Variants in DMP1 observed in about 807,000 individuals in gnomAD.
DMP1 encodes dentin matrix protein 1.
Under a neutral mutation model 14.6 loss-of-function variants are expected in DMP1, and 20 were observed. The observed-to-expected ratio is 1.37, with a 90% CI of 0.96 to 1.99. The LOEUF (loss-of-function observed/expected upper bound fraction) is 1.99, where lower values mean the gene tolerates loss of function less well. Among genes scored for constraint, DMP1 ranks in the 30% most tolerant of loss-of-function variants. The pLI, the probability that DMP1 is intolerant of heterozygous loss-of-function variation, is 0.00. For missense variants in DMP1, 567 were observed against 620.5 expected (o/e 0.91, Z 0.92); for synonymous variants, 197 against 215.3 (o/e 0.91, Z 0.75).
At position 87,662,901 on chromosome 4, in the gene DMP1, G is replaced by T; in HGVS notation, c.1123G>T (p.Val375Leu). 6.2e-7 allele frequency: 1 copy of T among 1,614,202 alleles called. No individual in the cohort carries two copies. The highest frequency in any genetic ancestry group is 8.5e-7 in the Non-Finnish European group (1 of 1,180,040). ...GDNPDPTTSY[V>L]EDQEDSDSSE... is the part of the protein sequence containing the mutation. The stretch of plus-strand genomic sequence containing the variant: ...TAACCCCGACCCCACAACTAGTTAT[G>T]TAGAAGACCAGGAAGACAGTGACTC... Residue 375 changes from valine (V) to leucine (L), a missense_variant, in exon 6 of 6, where the codon GTA becomes TTA. Physicochemically the swap from Val to Leu is conservative, Grantham distance 32. Transcript: ENST00000339673.
Position 87,662,361 on chromosome 4 carries a change from G to A in DMP1, c.583G>A (p.Gly195Arg), listed in dbSNP as rs2110016653. The change falls in exon 6 of 6, where the codon GGA becomes AGA. Residue 195 changes from glycine (G) to arginine (R), a missense_variant. Coordinates refer to ENST00000339673, the MANE Select transcript of DMP1 (RefSeq NM_004407.4). ...GAGTGAGAGTGAAGAGCACTGGGTG[G>A]GAGGTGGCAGTGATGGGGAGAGCAG... is the stretch of plus-strand genomic sequence containing the variant. ...QESESEEHWV[G>R]GGSDGESSHG... The A allele has an allele frequency of 6.2e-7, 1 of 1,614,154 alleles. No homozygotes were observed. Among genetic ancestry groups the A allele is most frequent in the Admixed American group, 1.7e-5 (1 of 60,020 alleles).
chr4:87,663,178 A>G lies in DMP1; in HGVS notation c.1400A>G (p.Asn467Ser), dbSNP rs745804608. Residue 467 changes from asparagine to serine, a missense_variant, in exon 6 of 6, where the codon AAC becomes AGC. Physicochemically the swap from Asn to Ser is conservative, Grantham distance 46 (BLOSUM62 1). Coordinates refer to ENST00000339673, the MANE Select transcript of DMP1 (RefSeq NM_004407.4). ...AGCAGCAGATCCAAAGAAGATAGCA[A>G]CTCCACGGAGAGCAAATCAAGCAGT... ...QDSSRSKEDS[N>S]STESKSSSEE... 7 of 1,614,140 alleles carry G rather than the reference A, an allele frequency of 4.3e-6. No individual in the cohort carries two copies. Among genetic ancestry groups the G allele is most frequent in the Admixed American group, 3.3e-5 (2 of 60,022 alleles).
rs539902724 is a variant in DMP1 at position 87,659,604 on chromosome 4, G to A, written c.183+126G>A. On this transcript the variant is annotated intron_variant, in intron 5 of 5. Transcript: ENST00000339673. ...CTAACTATGAGTTATGCTGGCTAAA[G>A]AGTCCTATAAAGTAAGAAGAGAAAA... The A allele has an allele frequency of 1.1e-4, 105 of 953,362 alleles. 1 individual carries two copies. The South Asian group carries it at 1.4e-3, about 12-fold the overall frequency. 59.1% of individuals were successfully genotyped at this position (953,362 alleles called of 1,614,324 possible). A position where few individuals can be genotyped will look rare whatever the true frequency, so the allele number is the denominator to read the frequency against.
At chr4:87,660,901 C>T (rs1048468179) in intron 5 of DMP1, 3 of 152,050 alleles carry the variant, frequency 2.0e-5, no homozygotes, top group Non-Finnish European at 2.9e-5. Flanking sequence ...ACATTTTTCC[C>T]TCCAGAAGAA....
Position 87,662,251 on chromosome 4 carries a change from C to G in DMP1, c.473C>G (p.Ala158Gly), listed in dbSNP as rs757308068. The change falls in exon 6 of 6, where the codon GCC (alanine) becomes GGC (glycine). Residue 158 changes from alanine to glycine, a missense_variant. Ala to Gly is a moderately conservative substitution (Grantham distance 60, BLOSUM62 0). Transcript: ENST00000339673. ...AGTGCCCCACAAGGGCAAGACAGTG[C>G]CCAAGATACCACCAGTGAGAGCAGG... is the stretch of plus-strand genomic sequence containing the variant. Reference protein sequence around the residue: ...EESAPQGQDSAQDTTSESREL... With the variant: ...EESAPQGQDSGQDTTSESREL... 20 of 1,614,116 alleles carry G rather than the reference C, an allele frequency of 1.2e-5. No individual in the cohort carries two copies. The South Asian group carries it at 2.2e-4, about 18-fold the overall frequency.
chr4:87,650,548 A>G (rs1255459320), intron 1 of DMP1, among the ~76,000 whole-genome samples, 164 bp downstream of exon 1: 1 of 152,198 alleles, frequency 6.6e-6, no homozygotes, highest in Non-Finnish European at 1.5e-5. Flanking sequence ...TGTTTATGCC[A>G]CAGTAAATAA....
In DMP1 at chr4:87,656,328, G is replaced by GT. The variant is rs1433226379; in HGVS notation, c.-21-140dup. On this transcript the variant is annotated intron_variant, in intron 1 of 5. Transcript: ENST00000339673. Reference sequence around the variant, plus strand: ...CCTCTTTATGGTTGAATAATATTCTGTTTTATAGATACAGTAAATTTTATT... The same window carrying GT: ...CCTCTTTATGGTTGAATAATATTCTGTTTTTATAGATACAGTAAATTTTATT... 14 of 652,714 alleles carry GT rather than the reference G, an allele frequency of 2.1e-5. No individual in the cohort carries two copies. In the Admixed American group the frequency reaches 3.1e-4, roughly 15 times the overall value. The allele number at this position is 652,714 out of a possible 1,614,324, so 40.4% of individuals were successfully genotyped here. A position where few individuals can be genotyped will look rare whatever the true frequency, so the allele number is the denominator to read the frequency against.
intron 1 of DMP1, among the ~76,000 whole-genome samples, chr4:87,655,696 G>A (rs2110011719): frequency 6.6e-6 from 1 of 152,212 alleles, no homozygotes; most frequent in Admixed American, 6.5e-5. Flanking sequence ...ATGTGTATGT[G>A]TGTGTTTGTG....
At chr4:87,653,452 G>T (rs1034637829) in intron 1 of DMP1, among the ~76,000 whole-genome samples, 1 of 120,230 alleles carries the variant, frequency 8.3e-6, no homozygotes, top group Non-Finnish European at 1.8e-5. Flanking sequence ...TTGAGATAGG[G>T]TCTTGCTCTG....
At chr4:87,661,581 G>C (rs916821366) in intron 5 of DMP1, among the ~76,000 whole-genome samples, 25 of 150,382 alleles carry the variant, frequency 1.7e-4, no homozygotes, top group African/African-American at 6.1e-4. Context: ...AGATGGTCTC[G>C]ATCTCTTGAC....
At chr4:87,657,612 C>T (rs1728736843) in intron 3 of DMP1, among the ~76,000 whole-genome samples, 1 of 152,166 alleles carries the variant, frequency 6.6e-6, no homozygotes, top group Non-Finnish European at 1.5e-5. Context: ...GTTTTATTCT[C>T]ACTTTACAGA....
At chr4:87,654,007 CA>C (rs907315601) in intron 1 of DMP1, among the ~76,000 whole-genome samples, 2 of 152,130 alleles carry the variant, frequency 1.3e-5, no homozygotes, top group African/African-American at 4.8e-5. Context: ...TATGATTGGA[CA>C]AAAAGGTTTT....
chr4:87,656,496 A>T lies in DMP1; in HGVS notation c.4A>T (p.Lys2Ter), dbSNP rs1027020354. The change falls in exon 2 of 6, where the codon AAG (lysine) becomes TAG (stop). Residue 2 changes from lysine to a stop codon, truncating the protein, a stop_gained. Coordinates refer to ENST00000339673, the MANE Select transcript of DMP1 (RefSeq NM_004407.4). LOFTEE classifies it high-confidence loss of function. M[K>*]ISILLMFLWG... ...GGTAGAGGTATCACACCCAACTATG[A>T]AGATCAGCATCCTGCTCATGTTCCT... 1 of 1,607,002 alleles carries T rather than the reference A, an allele frequency of 6.2e-7. No individual in the cohort carries two copies. The highest frequency in any genetic ancestry group is 8.5e-7 in the Non-Finnish European group (1 of 1,173,602).
chr4:87,651,054 T>A (rs1728520681), intron 1 of DMP1, among the ~76,000 whole-genome samples: 1 of 152,136 alleles, frequency 6.6e-6, no homozygotes, highest in African/African-American at 2.4e-5. Flanking sequence ...CCATATGTAT[T>A]TTTATTTACT....
chr4:87,659,109 G>A (rs1728781293), intron 3 of DMP1, 111 bp from the exon 4 acceptor site: 1 of 1,113,250 alleles, frequency 9.0e-7, no homozygotes, highest in Non-Finnish European at 1.3e-6. Context: ...GTAAATGTAA[G>A]ATCTCTACCA....
At position 87,662,488 on chromosome 4, in the gene DMP1, T is replaced by C; in HGVS notation, c.710T>C (p.Met237Thr). 6.2e-7 allele frequency: 1 copy of C among 1,614,066 alleles called. No individual in the cohort carries two copies. Among genetic ancestry groups the C allele is most frequent in the Non-Finnish European group, 8.5e-7 (1 of 1,180,010 alleles). The change falls in exon 6 of 6, where the codon ATG (methionine) becomes ACG (threonine). Residue 237 changes from methionine (M) to threonine (T), a missense_variant. Transcript: ENST00000339673. ...RGNSRMNSAG[M>T]KSKESGENSE... ...AACTCCAGAATGAACAGTGCAGGCATGAAATCAAAAGAATCTGGAGAAAAC... is the reference window on the plus strand; with the variant it reads ...AACTCCAGAATGAACAGTGCAGGCACGAAATCAAAAGAATCTGGAGAAAAC...
intron 1 of DMP1, among the ~76,000 whole-genome samples, chr4:87,652,726 T>A (rs1007155281): frequency 6.6e-6 from 1 of 152,210 alleles, no homozygotes; most frequent in African/African-American, 2.4e-5. Flanking sequence ...AGTTTTCTAA[T>A]TATTTAGATT....
chr4:87,651,568 C>A (rs2627695), intron 1 of DMP1, among the ~76,000 whole-genome samples: 43,014 of 151,764 alleles, frequency 0.28, 6,687 homozygotes, highest in African/African-American at 0.41. Flanking sequence ...ATTATAAAAC[C>A]AACTTATTTT....
chr4:87,661,652 T>TTG (rs974953198), intron 5 of DMP1, among the ~76,000 whole-genome samples: 4 of 150,962 alleles, frequency 2.6e-5, no homozygotes, highest in South Asian at 2.1e-4. Flanking sequence ...CAAGAGTTTT[T>TTG]TTTTTTTTTT....
Sources: gnomAD v4.1 joint callset for allele counts (sites outside exome capture counted in the v4.1 genomes callset) on GRCh38, gnomAD v4.1.1 for gene constraint, MANE v1.5 for transcripts, NCBI Gene and HGNC (gene_info 2026-07-23, HGNC 2026-07-21) for gene names.